Variants in HYCC2 observed in about 807,000 individuals in gnomAD.
HYCC2 encodes hyccin PI4KA lipid kinase complex subunit 2, also known as hyccin 2.
the HYCC2 span, among the ~76,000 whole-genome samples, chr2:201,033,489 C>T: frequency 8.6e-5 from 13 of 151,704 alleles, no homozygotes; most frequent in South Asian, 2.1e-4. Context: ...CTGCAAGCTC[C>T]GCCTCCCGGG....
the HYCC2 span, among the ~76,000 whole-genome samples, chr2:201,065,455 C>T: frequency 1.3e-5 from 2 of 152,144 alleles, no homozygotes; most frequent in Non-Finnish European, 2.9e-5. Flanking sequence ...AACAAATGCC[C>T]AAGACTGCAA....
At chr2:201,017,161 G>C in the HYCC2 span, 1 of 1,610,990 alleles carries the variant, frequency 6.2e-7, no homozygotes. Flanking sequence ...TGGCAGACAG[G>C]CTCCAGGAGC....
chr2:200,975,420 G>C, the HYCC2 span: 2 of 151,950 alleles, frequency 1.3e-5, no homozygotes, highest in Non-Finnish European at 2.9e-5. Flanking sequence ...AATTGGGGAT[G>C]AGTTGTCCAA....
the HYCC2 span, among the ~76,000 whole-genome samples, chr2:201,035,465 G>T: frequency 6.6e-6 from 1 of 152,054 alleles, no homozygotes; most frequent in African/African-American, 2.4e-5. Flanking sequence ...GGTCCTTTAA[G>T]GACTTCTCTG....
chr2:201,058,289 TAAG>T, the HYCC2 span, among the ~76,000 whole-genome samples: 1 of 152,216 alleles, frequency 6.6e-6, no homozygotes, highest in Non-Finnish European at 1.5e-5. Flanking sequence ...TAAACTTTGA[TAAG>T]AAGAAAATTG....
At chr2:201,038,083 A>G in the HYCC2 span, among the ~76,000 whole-genome samples, 2 of 152,142 alleles carry the variant, frequency 1.3e-5, no homozygotes, top group Non-Finnish European at 2.9e-5. Flanking sequence ...GTGGGCAAAG[A>G]ATATGAACAG....
the HYCC2 span, chr2:200,987,373 G>T: frequency 7.8e-7 from 1 of 1,289,666 alleles, no homozygotes; most frequent in Non-Finnish European, 1.0e-6. Context: ...ACCCTCTGTT[G>T]TGGCTGTTGC....
the HYCC2 span, among the ~76,000 whole-genome samples, chr2:201,012,999 ACAAT>A: frequency 6.6e-6 from 1 of 152,096 alleles, no homozygotes; most frequent in East Asian, 1.9e-4. Flanking sequence ...ACAGATGACG[ACAAT>A]CAGAGGAGTG....
At chr2:201,030,311 C>T in the HYCC2 span, among the ~76,000 whole-genome samples, 1 of 151,750 alleles carries the variant, frequency 6.6e-6, no homozygotes, top group African/African-American at 2.4e-5. Flanking sequence ...TCTATAAATA[C>T]AGTTAGTTGA....
At chr2:201,032,583 G>A in the HYCC2 span, among the ~76,000 whole-genome samples, 6 of 151,918 alleles carry the variant, frequency 3.9e-5, no homozygotes, top group Non-Finnish European at 5.9e-5. Context: ...TAATTCCTAC[G>A]TGGTTTTTAT....
the HYCC2 span, among the ~76,000 whole-genome samples, chr2:201,006,928 C>T: frequency 6.6e-6 from 1 of 152,092 alleles, no homozygotes; most frequent in Non-Finnish European, 1.5e-5. Flanking sequence ...AATAGTGCTG[C>T]ACAAGTTTAC....
the HYCC2 span, chr2:201,063,817 C>T: frequency 6.3e-7 from 1 of 1,590,518 alleles, no homozygotes; most frequent in African/African-American, 1.3e-5. Flanking sequence ...GTGGGGATGG[C>T]TATAATGGAT....
chr2:201,022,349 A>G, the HYCC2 span: 4 of 286,568 alleles, frequency 1.4e-5, no homozygotes, highest in Non-Finnish European at 2.8e-5. Context: ...CTTAGACTAA[A>G]AAGTGCTTCC....
At chr2:201,062,316 C>G in the HYCC2 span, among the ~76,000 whole-genome samples, 2 of 151,732 alleles carry the variant, frequency 1.3e-5, no homozygotes, top group Non-Finnish European at 2.9e-5. Context: ...GTCAGGAATT[C>G]AAGACCAGCC....
chr2:201,063,027 T>C, the HYCC2 span: 3 of 1,586,940 alleles, frequency 1.9e-6, no homozygotes, highest in Admixed American at 1.7e-5. Context: ...AAAAATCTTC[T>C]CCTTTCTGCC....
chr2:201,060,404 G>C, the HYCC2 span, among the ~76,000 whole-genome samples: 2 of 152,188 alleles, frequency 1.3e-5, no homozygotes, highest in Non-Finnish European at 2.9e-5. Flanking sequence ...AAGAAGTGTT[G>C]TGTAGGAAAT....
At chr2:201,035,941 C>G in the HYCC2 span, among the ~76,000 whole-genome samples, 1 of 152,152 alleles carries the variant, frequency 6.6e-6, no homozygotes, top group Non-Finnish European at 1.5e-5. Context: ...GCAAATGTTG[C>G]TGCCTGATCG....
chr2:200,996,786 G>A, the HYCC2 span: 1 of 152,132 alleles, frequency 6.6e-6, no homozygotes, highest in East Asian at 1.9e-4. Context: ...TGTATGGGAA[G>A]AGGTTCATAT....
At chr2:200,980,570 A>C in the HYCC2 span, 1 of 152,892 alleles carries the variant, frequency 6.5e-6, no homozygotes, top group East Asian at 1.9e-4. Flanking sequence ...GAGAAAGTGC[A>C]TTATCAATTA....
Sources: allele counts gnomAD v4.1 joint callset (sites outside exome capture counted in the v4.1 genomes callset), GRCh38; gene constraint gnomAD v4.1.1; transcripts MANE v1.5; gene names NCBI Gene and HGNC (gene_info 2026-07-23, HGNC 2026-07-21).